Variants in PRKACB observed in about 807,000 individuals in gnomAD.
PRKACB encodes the protein protein kinase cAMP-activated catalytic subunit beta, also known as cAMP-dependent protein kinase catalytic subunit beta.
In PRKACB, 16 loss-of-function variants were observed where a neutral mutation model predicts 51.4. The ratio of observed to expected loss-of-function variants is 0.31; its 90% CI spans 0.21 to 0.47. PRKACB has a LOEUF of 0.47. PRKACB is among the 20% of genes least tolerant of loss of function. The pLI is 1.00. For synonymous variants in PRKACB, 147 were observed against 154.4 expected, an observed-to-expected ratio of 0.95 and a Z score of 0.35; for missense variants, 309 against 464.5, an observed-to-expected ratio of 0.67 and a Z score of 3.08.
chr1:84,080,687 T>C (rs1256105083), intron 1 of PRKACB, among the ~76,000 whole-genome samples: 1 of 152,210 alleles, frequency 6.6e-6, no homozygotes, highest in African/African-American at 2.4e-5. Context: ...TTCTGTGTAT[T>C]TTTTAAAGAA....
intron 1 of PRKACB, among the ~76,000 whole-genome samples, chr1:84,126,224 C>T (rs1162951086): frequency 2.0e-5 from 3 of 152,128 alleles, no homozygotes; most frequent in Non-Finnish European, 2.9e-5. Flanking sequence ...CTTTTGCACC[C>T]GCCCTCTTGG....
rs1572504271 is a variant in PRKACB, at chr1:84,217,561, A to C, written c.1071+3244A>C. 2.6e-5 allele frequency among the ~76,000 whole-genome samples: 4 copies of C among 151,820 alleles called. No individual in the cohort carries two copies. In the East Asian group the frequency reaches 7.8e-4, roughly 30 times the overall value. ...TGTAATCCCATCAATTTAGGAGTCC[A>C]CAGTGGGAAGATCACTTGAGCCAAG... On this transcript the variant is annotated intron_variant, in intron 9 of 9. Transcript: ENST00000370685.
chr1:84,145,974 T>C (rs902287977), intron 1 of PRKACB, among the ~76,000 whole-genome samples: 1 of 151,992 alleles, frequency 6.6e-6, no homozygotes, highest in African/African-American at 2.4e-5. Context: ...TAAAAGTGTC[T>C]CAAATAAATG....
chr1:84,116,413 A>C (rs1200880805), intron 1 of PRKACB, among the ~76,000 whole-genome samples: 2 of 152,014 alleles, frequency 1.3e-5, no homozygotes, highest in African/African-American at 2.4e-5. Flanking sequence ...GATTATGTTG[A>C]GTCTGTAGAT....
At position 84,115,671 on chromosome 1, in the gene PRKACB, T is replaced by C. The variant is rs915916324; in HGVS notation, c.46+37300T>C. 2.6e-5 allele frequency among the ~76,000 whole-genome samples: 4 copies of C among 151,768 alleles called. No individual in the cohort carries two copies. The South Asian group carries it at 6.3e-4, about 24-fold the overall frequency. On this transcript the variant is annotated intron_variant, in intron 1 of 8. Transcript: ENST00000370688. ...GCCAAGGTGGGCAGATCACCTGAGGTTGGGAGTTCAAGACCAGCCTGACCA... is the reference window on the plus strand; with the variant it reads ...GCCAAGGTGGGCAGATCACCTGAGGCTGGGAGTTCAAGACCAGCCTGACCA...
chr1:84,114,295 G>C (rs1557954894), intron 1 of PRKACB, among the ~76,000 whole-genome samples: 1 of 152,044 alleles, frequency 6.6e-6, no homozygotes, highest in Non-Finnish European at 1.5e-5. Context: ...AGGCAAATTA[G>C]AAAAGTAAAG....
chr1:84,078,505 G>C (rs998830845), intron 1 of PRKACB: 1 of 1,002,324 alleles, frequency 1.0e-6, no homozygotes, highest in Admixed American at 2.8e-5. Flanking sequence ...GTTCTGGGGG[G>C]CCGGGAGACC....
At chr1:84,114,942 G>A (rs1196262512) in intron 1 of PRKACB, among the ~76,000 whole-genome samples, 2 of 152,156 alleles carry the variant, frequency 1.3e-5, no homozygotes, top group African/African-American at 4.8e-5. Flanking sequence ...ATAAACTGGT[G>A]AACATTTAGT....
intron 1 of PRKACB, among the ~76,000 whole-genome samples, chr1:84,089,556 C>G (rs1016877559): frequency 2.9e-4 from 44 of 152,146 alleles, no homozygotes; most frequent in African/African-American, 1.0e-3. Flanking sequence ...TTGCTTACTT[C>G]TTATTCATCA....
intron 9 of PRKACB, among the ~76,000 whole-genome samples, chr1:84,225,041 C>T (rs1440125152): frequency 1.3e-5 from 2 of 151,964 alleles, no homozygotes; most frequent in South Asian, 2.1e-4. Flanking sequence ...GAGGGGGGCA[C>T]TCCCCAGGCC....
chr1:84,182,068 CT>C, intron 2 of PRKACB, 131 bp from the exon 3 acceptor site: 3 of 687,176 alleles, frequency 4.4e-6, no homozygotes, highest in Non-Finnish European at 6.3e-6. Context: ...ATCTCAATAG[CT>C]TTTTTGTATT....
intron 1 of PRKACB, among the ~76,000 whole-genome samples, chr1:84,120,651 A>G (rs1301046328): frequency 6.6e-6 from 1 of 152,114 alleles, no homozygotes; most frequent in Non-Finnish European, 1.5e-5. Context: ...TACAAGAGTG[A>G]TATTAAAAAG....
intron 9 of PRKACB, among the ~76,000 whole-genome samples, chr1:84,223,894 T>C (rs963083112): frequency 1.3e-5 from 2 of 152,228 alleles, no homozygotes; most frequent in Non-Finnish European, 2.9e-5. Flanking sequence ...TCTTTGCTTT[T>C]TCATGTTTCT....
chr1:84,137,782 T>C (rs572787956), intron 1 of PRKACB, among the ~76,000 whole-genome samples: 1 of 152,290 alleles, frequency 6.6e-6, no homozygotes, highest in East Asian at 1.9e-4. Flanking sequence ...TATACTGAAA[T>C]TGAACAAGTA....
chr1:84,214,088 G>T, intron 8 of PRKACB, 65 bp from the exon 9 acceptor site: 1 of 1,424,216 alleles, frequency 7.0e-7, no homozygotes, highest in Non-Finnish European at 9.3e-7. Flanking sequence ...AAAACTTTAT[G>T]AAATCAAAAC....
At chr1:84,189,804 G>A (rs1456760976) in intron 5 of PRKACB, among the ~76,000 whole-genome samples, 4 of 151,922 alleles carry the variant, frequency 2.6e-5, no homozygotes, top group Non-Finnish European at 5.9e-5. Context: ...ACAACCTTTT[G>A]CAGTATTATT....
intron 7 of PRKACB, among the ~76,000 whole-genome samples, chr1:84,199,096 TGC>T (rs1669227606): frequency 2.9e-5 from 4 of 136,810 alleles, no homozygotes; most frequent in Non-Finnish European, 6.3e-5. Flanking sequence ...TGCGTATATA[TGC>T]ATATATGTAT....
chr1:84,093,361 A>G (rs1648670271), intron 1 of PRKACB, among the ~76,000 whole-genome samples: 1 of 151,976 alleles, frequency 6.6e-6, no homozygotes, highest in Non-Finnish European at 1.5e-5. Flanking sequence ...TATTTGACAC[A>G]TCACCATTTA....
intron 1 of PRKACB, among the ~76,000 whole-genome samples, chr1:84,126,175 T>A (rs1456583347): frequency 6.6e-6 from 1 of 152,128 alleles, no homozygotes; most frequent in Admixed American, 6.5e-5. Context: ...ACAGACAACT[T>A]AAGTGTTTAA....
Sources: gnomAD v4.1 joint callset for allele counts (sites outside exome capture counted in the v4.1 genomes callset) on GRCh38, gnomAD v4.1.1 for gene constraint, MANE v1.5 for transcripts, NCBI Gene and HGNC (gene_info 2026-07-23, HGNC 2026-07-21) for gene names.